The following POLE variants were observed in gnomAD, a reference collection of about 807,000 sequenced individuals.
POLE encodes DNA polymerase epsilon catalytic subunit A.
In POLE, 188 loss-of-function variants were observed where a neutral mutation model predicts 279.2. The ratio of observed to expected loss-of-function variants is 0.67; its 90% CI spans 0.60 to 0.76. POLE has a LOEUF of 0.76. Ranked by LOEUF, POLE falls within the 30% of genes least tolerant of loss-of-function variation. The pLI is 0.00. For missense variants in POLE, 2,703 were observed against 3,016.7 expected, an observed-to-expected ratio of 0.90 and a Z score of 2.44; for synonymous variants, 1,214 against 1,172.5, an observed-to-expected ratio of 1.04 and a Z score of -0.72.
chr12:132,662,225 T>C (rs1219241964), intron 23 of POLE, among the ~76,000 whole-genome samples: 1 of 151,926 alleles, frequency 6.6e-6, no homozygotes, highest in Non-Finnish European at 1.5e-5. Context: ...GCCAACAGGG[T>C]GGGGAGGAAG....
intron 2 of POLE, 61 bp from the exon 3 acceptor site, chr12:132,680,748 C>T (rs577369342): frequency 9.3e-5 from 125 of 1,342,228 alleles, no homozygotes; most frequent in Middle Eastern, 5.4e-4. Context: ...GAGAAACTTT[C>T]CTCCTACCTT....
In POLE at chr12:132,657,247, T is replaced by G; in HGVS notation, c.3471A>C (p.Pro1157=). The change falls in exon 29 of 49, where the codon CCA becomes CCC. Residue 1157 remains proline (P), a synonymous_variant. Transcript: ENST00000320574. ...AGTCGGGGTGTTTGACACGTGGCAC[T>G]GGGTTCTTTACCTGTGTGAGGCCAA... ...IPAALQQVKN[P]VPRVKHPDWL... 6.2e-7 allele frequency: 1 copy of G among 1,614,082 alleles called. No homozygotes were observed. Among genetic ancestry groups the G allele is most frequent in the South Asian group, 1.1e-5 (1 of 91,062 alleles).
In POLE at chr12:132,665,606, G is replaced by A. The variant is rs5744819; in HGVS notation, c.2320-156C>T. On this transcript the variant is annotated intron_variant, in intron 20 of 48. Coordinates refer to ENST00000320574, the MANE Select transcript of POLE (RefSeq NM_006231.4). ...AGAGTGTACATTCTTCTCCTAGACT[G>A]GCCAACTGTCAATATTTTGTCACAC... Among the ~76,000 whole-genome samples, 2,539 of 152,220 alleles carry A rather than the reference G, an allele frequency of 0.017. 38 individuals carry two copies. The highest frequency in any genetic ancestry group is 0.024 in the Non-Finnish European group (1,639 of 68,012).
In POLE at chr12:132,668,555, T is replaced by C. The variant is rs1221188564; in HGVS notation, c.2027-53A>G. The C allele has an allele frequency of 8.2e-6, 13 of 1,581,282 alleles. No homozygotes were observed. Among genetic ancestry groups the C allele is most frequent in the Non-Finnish European group, 1.1e-5 (13 of 1,158,662 alleles). On this transcript the variant is annotated intron_variant, in intron 18 of 48. Transcript: ENST00000320574. The surrounding 1 kb of genome is among the most constrained non-coding windows in gnomAD (Gnocchi z 4.0). Reference sequence around the variant, plus strand: ...CAAAAGGAGGCACAGACACACCGGCTTCCCACCAAGTGGAGAAAGGCGGCC... The same window carrying C: ...CAAAAGGAGGCACAGACACACCGGCCTCCCACCAAGTGGAGAAAGGCGGCC...
chr12:132,673,373 C>T, intron 13 of POLE, 96 bp from the exon 14 acceptor site: 4 of 1,153,394 alleles, frequency 3.5e-6, no homozygotes, highest in Non-Finnish European at 5.2e-6. Context: ...GACCAGCCTG[C>T]CGCACACACA....
At chr12:132,685,694 C>T (rs997298810) in intron 1 of POLE, among the ~76,000 whole-genome samples, 1 of 152,220 alleles carries the variant, frequency 6.6e-6, no homozygotes, top group Non-Finnish European at 1.5e-5. Context: ...CGTCTCTAAG[C>T]TCCAAGTTCC....
chr12:132,633,806 C>T (rs1475185150), intron 43 of POLE: 1 of 171,744 alleles, frequency 5.8e-6, no homozygotes, highest in Non-Finnish European at 1.2e-5. Context: ...TGACCTGACC[C>T]AGGGCTTTAT....
chr12:132,635,737 C>T (rs999704023), intron 42 of POLE, among the ~76,000 whole-genome samples, 155 bp downstream of exon 42: 9 of 152,254 alleles, frequency 5.9e-5, no homozygotes, highest in African/African-American at 1.7e-4. Flanking sequence ...TGCTTGTCTG[C>T]GCATGGTCCC....
At chr12:132,643,745 G>A (rs182011647) in intron 33 of POLE, 92 bp downstream of exon 33, 248 of 1,498,880 alleles carry the variant, frequency 1.7e-4, no homozygotes, top group Admixed American at 1.2e-3. Flanking sequence ...TGTCGCTGCT[G>A]TTCCCCAGCC....
At chr12:132,637,980 A>G (rs2042067230) in intron 41 of POLE, 34 bp downstream of exon 41, 1 of 1,610,674 alleles carries the variant, frequency 6.2e-7, no homozygotes, top group Non-Finnish European at 8.5e-7. Context: ...TCTCAAAGCC[A>G]CAGTGCTGCG....
At position 132,633,986 on chromosome 12, in the gene POLE, C is replaced by T. The variant is rs1247828906; in HGVS notation, c.6004+200G>A. ...CAAAGGCTGGAGGGAAGACAGTCACCCCTCTCCGGGCCCTCCAGTGGAACA... is the reference window on the plus strand; with the variant it reads ...CAAAGGCTGGAGGGAAGACAGTCACTCCTCTCCGGGCCCTCCAGTGGAACA... On this transcript the variant is annotated intron_variant, in intron 43 of 48. Coordinates refer to ENST00000320574, the MANE Select transcript of POLE (RefSeq NM_006231.4). 12 of 515,058 alleles carry T rather than the reference C, an allele frequency of 2.3e-5. No individual in the cohort carries two copies. In the Admixed American group the frequency reaches 3.5e-4, roughly 15 times the overall value. 31.9% of individuals were successfully genotyped at this position (515,058 alleles called of 1,614,324 possible).
At position 132,676,172 on chromosome 12, in the gene POLE, T is replaced by G. The variant is rs548933169; in HGVS notation, c.942A>C (p.Ser314=). 6 of 1,613,394 alleles carry G rather than the reference T, an allele frequency of 3.7e-6. No homozygotes were observed. The African/African-American group carries it at 8.0e-5, about 22-fold the overall frequency. Residue 314 remains serine (S), a synonymous_variant, in exon 10 of 49, where the codon TCA becomes TCC. Transcript: ENST00000320574. The part of the protein sequence containing the change: ...GYLITNREIV[S]EDIEDFEFTP... ...TGAACTCAAAATCTTCAATATCTTCTGAAACAATCTCCCTGTTGGTGATGA... is the reference window on the plus strand; with the variant it reads ...TGAACTCAAAATCTTCAATATCTTCGGAAACAATCTCCCTGTTGGTGATGA...
At chr12:132,635,753 G>T in intron 42 of POLE, 139 bp downstream of exon 42, 1 of 796,746 alleles carries the variant, frequency 1.3e-6, no homozygotes, top group Non-Finnish European at 2.0e-6. Flanking sequence ...GTCCCTCCCC[G>T]TGTTCATGAG....
chr12:132,636,576 C>G (rs944466662), intron 41 of POLE, among the ~76,000 whole-genome samples: 1 of 151,500 alleles, frequency 6.6e-6, no homozygotes, highest in Non-Finnish European at 1.5e-5. Context: ...GGCAACGTGG[C>G]AAAACCCTGT....
rs1320156787 is a variant in POLE, at chr12:132,664,812, TCA to T, written c.2469-352_2469-351del. Reference sequence around the variant, plus strand: ...AAGCCCCATTCTCACCTCCAGCTTCTCAGAGAAAGCCCAGGCCTAGCTGCCAG... The same window carrying T: ...AAGCCCCATTCTCACCTCCAGCTTCTGAGAAAGCCCAGGCCTAGCTGCCAG... On this transcript the variant is annotated intron_variant, in intron 21 of 48. Transcript: ENST00000320574. The surrounding 1 kb of genome is among the most constrained non-coding windows in gnomAD (Gnocchi z 5.3). Among the ~76,000 whole-genome samples, 1 of 151,850 alleles carries T rather than the reference TCA, an allele frequency of 6.6e-6. No homozygotes were observed. Among genetic ancestry groups the T allele is most frequent in the Admixed American group, 6.6e-5 (1 of 15,234 alleles).
intron 26 of POLE, chr12:132,658,177 T>C (rs761361555): frequency 2.0e-6 from 1 of 512,066 alleles, no homozygotes; most frequent in Admixed American, 3.5e-5. Context: ...CACGTGCGTG[T>C]GTGCACGTAA....
At chr12:132,657,762 A>T (rs1374946582) in intron 27 of POLE, 106 bp downstream of exon 27, 23 of 827,922 alleles carry the variant, frequency 2.8e-5, no homozygotes, top group Non-Finnish European at 4.3e-5. Flanking sequence ...GGAGGAAGTC[A>T]AGAGTGAAGA....
intron 40 of POLE, chr12:132,638,504 T>A (rs1308399477): frequency 5.7e-6 from 1 of 174,296 alleles, no homozygotes; most frequent in Non-Finnish European, 1.2e-5. Context: ...GAATCCTAAG[T>A]TAAGACTGCA....
chr12:132,654,588 T>A (rs2042492941), intron 29 of POLE, among the ~76,000 whole-genome samples: 1 of 152,178 alleles, frequency 6.6e-6, no homozygotes, highest in South Asian at 2.1e-4. Flanking sequence ...CTGAAAAAGA[T>A]GTGACCAGCC....
Sources: gnomAD v4.1 joint callset for allele counts (sites outside exome capture counted in the v4.1 genomes callset) on GRCh38, gnomAD v4.1.1 for gene constraint, Gnocchi (gnomAD v3.1) non-coding constraint, MANE v1.5 for transcripts, NCBI Gene and HGNC (gene_info 2026-07-23, HGNC 2026-07-21) for gene names.